The following RXFP2 variants were observed in gnomAD, a reference collection of about 807,000 sequenced individuals.
RXFP2 encodes relaxin family peptide receptor 2.
In RXFP2, 68 loss-of-function variants were observed where a neutral mutation model predicts 88.6. The ratio of observed to expected loss-of-function variants is 0.77; its 90% CI spans 0.63 to 0.94. The LOEUF (loss-of-function observed/expected upper bound fraction) is 0.94, where lower values mean the gene tolerates loss of function less well. Ranked by LOEUF, RXFP2 falls within the 40% of genes least tolerant of loss-of-function variation. RXFP2 has a pLI of 0.00. For missense variants in RXFP2, 791 were observed against 893.9 expected (o/e 0.88, Z 1.47); for synonymous variants, 329 against 306.8 (o/e 1.07, Z -0.76).
Position 31,793,015 on chromosome 13 carries a change from A to T in RXFP2, c.1713A>T (p.Gly571=). The T allele has an allele frequency of 6.2e-7, 1 of 1,613,036 alleles. No individual in the cohort carries two copies. Among genetic ancestry groups the T allele is most frequent in the Non-Finnish European group, 8.5e-7 (1 of 1,178,994 alleles). The change falls in exon 16 of 18, where the codon GGA becomes GGT. Residue 571 remains glycine, a synonymous_variant. Coordinates refer to ENST00000298386, the MANE Select transcript of RXFP2 (RefSeq NM_130806.5). The part of the protein sequence containing the change: ...DYFGNFYGKN[G]VCFPLYYDQT... ...TTGGAAACTTTTATGGGAAAAATGG[A>T]GTATGTTTCCCACTTTATTATGACC...
intron 14 of RXFP2, among the ~76,000 whole-genome samples, chr13:31,790,458 T>C (rs1873740889): frequency 6.6e-6 from 1 of 152,232 alleles, no homozygotes; most frequent in African/African-American, 2.4e-5. Flanking sequence ...TGTAAGCTAC[T>C]TGAAGGCAAG....
intron 1 of RXFP2, among the ~76,000 whole-genome samples, chr13:31,757,091 G>A (rs1229409901): frequency 6.6e-6 from 1 of 151,998 alleles, no homozygotes; most frequent in African/African-American, 2.4e-5. Flanking sequence ...TGTAAATGTC[G>A]ATTATATTTA....
intron 14 of RXFP2, among the ~76,000 whole-genome samples, chr13:31,789,477 G>C (rs968695216): frequency 2.6e-5 from 4 of 152,166 alleles, no homozygotes; most frequent in African/African-American, 9.7e-5. Flanking sequence ...TGAAGTCACT[G>C]GCTAAATGGT....
rs1477529842 is a variant in RXFP2 at position 31,769,581 on chromosome 13, C to T, written c.497+3554C>T. On this transcript the variant is annotated intron_variant, in intron 5 of 17. Transcript: ENST00000298386. ...TCTAGAATAAATATACTATTATCAC[C>T]GTAACATGACCGAGGCAAATAGGGA... 2.0e-5 allele frequency among the ~76,000 whole-genome samples: 3 copies of T among 152,126 alleles called. 1 individual carries two copies. Among genetic ancestry groups the T allele is most frequent in the Non-Finnish European group, 4.4e-5 (3 of 68,030 alleles).
chr13:31,788,273 C>T (rs1007618372), intron 13 of RXFP2, among the ~76,000 whole-genome samples: 2 of 152,128 alleles, frequency 1.3e-5, no homozygotes, highest in African/African-American at 4.8e-5. Context: ...ACTCCTTGGG[C>T]AAAGGAAAAC....
Position 31,802,020 on chromosome 13 carries a change from G to A in RXFP2, c.2006-126G>A, listed in dbSNP as rs146694769. 6.5e-4 allele frequency: 590 copies of A among 912,444 alleles called. 5 individuals are homozygous for A. The African/African-American group carries it at 8.2e-3, about 13-fold the overall frequency. The allele number at this position is 912,444 out of a possible 1,614,324, so 56.5% of individuals were successfully genotyped here. On this transcript the variant is annotated intron_variant, in intron 17 of 17. Coordinates refer to ENST00000298386, the MANE Select transcript of RXFP2 (RefSeq NM_130806.5). ...CTCTTCCAACAAAGATTTTCCTTCA[G>A]GTGAGAGAAAACTTAAAATGTACTA...
At chr13:31,800,946 G>A (rs1377304676) in intron 17 of RXFP2, among the ~76,000 whole-genome samples, 3 of 151,996 alleles carry the variant, frequency 2.0e-5, no homozygotes, top group African/African-American at 7.3e-5. Context: ...ACAAGGAAGA[G>A]AAGATAGGAT....
At chr13:31,793,139 C>T (rs370309251) in intron 16 of RXFP2, 51 bp downstream of exon 16, 61 of 1,455,192 alleles carry the variant, frequency 4.2e-5, no homozygotes, top group African/African-American at 2.4e-4. Context: ...GCTAGAAATA[C>T]GTTAAATTTC....
Position 31,785,500 on chromosome 13 carries a change from T to G in RXFP2, c.930-883T>G, listed in dbSNP as rs183950352. 2.0e-5 allele frequency among the ~76,000 whole-genome samples: 3 copies of G among 151,940 alleles called. No homozygotes were observed. The East Asian group carries it at 5.8e-4, about 29-fold the overall frequency. ...TCCCAGGCCAAGACTGATGACTCTT[T>G]CCTCTATGTTTTCTCTGCACTTCTA... On this transcript the variant is annotated intron_variant, in intron 11 of 17. Transcript: ENST00000298386.
At chr13:31,768,277 A>T (rs1332936405) in intron 5 of RXFP2, among the ~76,000 whole-genome samples, 1 of 152,158 alleles carries the variant, frequency 6.6e-6, no homozygotes, top group Non-Finnish European at 1.5e-5. Context: ...TTTCCCAGAG[A>T]CTAATAGAAA....
rs771187088 is a variant in RXFP2, at chr13:31,765,096, G to T, written c.379G>T (p.Gly127Cys). The T allele has an allele frequency of 1.2e-6, 2 of 1,612,012 alleles. No individual in the cohort carries two copies. Among genetic ancestry groups the T allele is most frequent in the South Asian group, 1.1e-5 (1 of 91,024 alleles). Reference sequence around the variant, plus strand: ...AGAAACTGAATTGGAATGTGTAAATGGTGACTTAAAGTCTGTGCCGATGAT... The same window carrying T: ...AGAAACTGAATTGGAATGTGTAAATTGTGACTTAAAGTCTGTGCCGATGAT... ...CKETELECVN[G>C]DLKSVPMISN... The change falls in exon 4 of 18, where the codon GGT (glycine) becomes TGT (cysteine). Residue 127 changes from glycine (G) to cysteine (C), a missense_variant. Transcript: ENST00000298386.
chr13:31,760,655 C>T (rs1257565379), intron 2 of RXFP2, among the ~76,000 whole-genome samples: 1 of 152,168 alleles, frequency 6.6e-6, no homozygotes. Context: ...ATCATAGTAG[C>T]ATCATTGAGA....
At chr13:31,795,459 C>T (rs959352005) in intron 16 of RXFP2, among the ~76,000 whole-genome samples, 2 of 152,134 alleles carry the variant, frequency 1.3e-5, no homozygotes, top group African/African-American at 2.4e-5. Flanking sequence ...CTAGAACATA[C>T]ACTTTTGATC....
chr13:31,792,180 G>T, intron 15 of RXFP2, 145 bp downstream of exon 15: 1 of 671,228 alleles, frequency 1.5e-6, no homozygotes, highest in East Asian at 2.7e-5. Context: ...AAATATAAAA[G>T]TTCTGGCTCT....
chr13:31,742,600 G>A (rs1451394484), intron 1 of RXFP2, among the ~76,000 whole-genome samples: 1 of 152,126 alleles, frequency 6.6e-6, no homozygotes, highest in Non-Finnish European at 1.5e-5. Flanking sequence ...CACAACAGAT[G>A]CTTACTCGTG....
At chr13:31,788,317 A>C (rs1017298009) in intron 13 of RXFP2, among the ~76,000 whole-genome samples, 1 of 152,208 alleles carries the variant, frequency 6.6e-6, no homozygotes, top group African/African-American at 2.4e-5. Context: ...TATTCGGATT[A>C]GTCAAAAAGA....
chr13:31,793,216 C>A (rs1873879679), intron 16 of RXFP2, 128 bp downstream of exon 16: 1 of 845,374 alleles, frequency 1.2e-6, no homozygotes. Context: ...CTTTTTCACA[C>A]AAAAAAGTTT....
rs1052006796 is a variant in RXFP2, at chr13:31,797,160, C to T, written c.1787-41C>T. On this transcript the variant is annotated intron_variant, in intron 16 of 17. Coordinates refer to ENST00000298386, the MANE Select transcript of RXFP2 (RefSeq NM_130806.5). ...TGTACCACAGTAATTTTACTGTTGA[C>T]TTTTACGCCTGAGATGTTAAAAGTG... The T allele has an allele frequency of 3.6e-6, 5 of 1,394,484 alleles. No individual in the cohort carries two copies. The Admixed American group carries it at 8.4e-5, about 23-fold the overall frequency. 86.4% of individuals were successfully genotyped at this position (1,394,484 alleles called of 1,614,324 possible).
At chr13:31,790,751 T>G (rs1283588441) in intron 14 of RXFP2, among the ~76,000 whole-genome samples, 1 of 151,814 alleles carries the variant, frequency 6.6e-6, no homozygotes, top group Non-Finnish European at 1.5e-5. Flanking sequence ...ACCACTGAGG[T>G]GGGGTGGATG....
Sources: allele counts gnomAD v4.1 joint callset (sites outside exome capture counted in the v4.1 genomes callset), GRCh38; gene constraint gnomAD v4.1.1; transcripts MANE v1.5; gene names NCBI Gene and HGNC (gene_info 2026-07-23, HGNC 2026-07-21).